Variants in AFDN observed in about 807,000 individuals in gnomAD.
AFDN encodes the protein afadin.
In AFDN, 68 loss-of-function variants were observed where a neutral mutation model predicts 216.6. The observed-to-expected ratio is 0.31, with a 90% confidence interval of 0.26 to 0.38. The LOEUF is 0.38. AFDN is among the 10% of genes least tolerant of loss of function. AFDN has a pLI of 1.00. For synonymous variants in AFDN, 868 were observed against 853.7 expected, an observed-to-expected ratio of 1.02 and a Z score of -0.29; for missense variants, 2,136 against 2,342.0, an observed-to-expected ratio of 0.91 and a Z score of 1.82.
At chr6:167,835,103 A>T (rs555409212) in intron 1 of AFDN, among the ~76,000 whole-genome samples, 7 of 152,358 alleles carry the variant, frequency 4.6e-5, no homozygotes, top group Non-Finnish European at 7.3e-5. Context: ...ATGCAGATCT[A>T]CTAAATGTTG....
chr6:167,942,057 G>A (rs1472966819), intron 23 of AFDN, among the ~76,000 whole-genome samples: 1 of 152,142 alleles, frequency 6.6e-6, no homozygotes, highest in Non-Finnish European at 1.5e-5. Context: ...ACCTGCTACA[G>A]GCGTTTTGTT....
At position 167,971,428 on chromosome 6, in the gene AFDN, T is replaced by C. The variant is rs994274770; in HGVS notation, c.*1493T>C. On this transcript the variant is annotated 3_prime_UTR_variant, in exon 34 of 34. Coordinates refer to ENST00000683244, the MANE Select transcript of AFDN (RefSeq NM_001386888.1). ...AAATCATTAAAAATGCGAGTGTAAA[T>C]ATTTTTTTTTACCTCTATCAGGGTT... is the stretch of plus-strand genomic sequence containing the variant. 2.5e-5 allele frequency: 5 copies of C among 198,158 alleles called. No homozygotes were observed. Among genetic ancestry groups the C allele is most frequent in the Non-Finnish European group, 4.1e-5 (4 of 96,872 alleles). The allele number at this position is 198,158 out of a possible 1,614,324, so 12.3% of individuals were successfully genotyped here.
In AFDN at chr6:167,962,110, G is replaced by A. The variant is rs1376396016; in HGVS notation, c.4834-323G>A. Among the ~76,000 whole-genome samples, 1 of 152,132 alleles carries A rather than the reference G, an allele frequency of 6.6e-6. No homozygotes were observed. The highest frequency in any genetic ancestry group is 1.5e-5 in the Non-Finnish European group (1 of 68,022). Reference sequence around the variant, plus strand: ...TTGAGCCTGTTAATTTACATGAACGGGTTAACTAAATTTGTTCCAGTAAAA... The same window carrying A: ...TTGAGCCTGTTAATTTACATGAACGAGTTAACTAAATTTGTTCCAGTAAAA... On this transcript the variant is annotated intron_variant, in intron 30 of 33. Transcript: ENST00000683244. The surrounding 1 kb of genome is among the most constrained non-coding windows in gnomAD (Gnocchi z 5.2).
intron 1 of AFDN, among the ~76,000 whole-genome samples, chr6:167,836,933 T>C (rs1780507557): frequency 6.6e-6 from 1 of 152,244 alleles, no homozygotes. Flanking sequence ...ACAGTGTTTT[T>C]ACTGAATTTA....
At chr6:167,866,979 C>CT (rs1320988766) in intron 2 of AFDN, among the ~76,000 whole-genome samples, 2 of 152,168 alleles carry the variant, frequency 1.3e-5, no homozygotes. Context: ...TAGTCCAAGT[C>CT]TTTGTGTGAA....
chr6:167,962,537 G>A lies in AFDN; in HGVS notation c.4938G>A (p.Glu1646=), dbSNP rs1358028691. Residue 1646 remains glutamate, a synonymous_variant, in exon 31 of 34, where the codon GAG becomes GAA. Transcript: ENST00000683244. This position sits in a 1 kb window ranked among gnomAD's most constrained non-coding sequence, Gnocchi z 5.2. ...RQEEERRRQE[E]ERTKRDAEEK... ...AGGAAGAGCGCCGGCGGCAGGAGGA[G>A]GAGCGAACAAAACGAGACGCTGAAG... is the stretch of plus-strand genomic sequence containing the variant. The A allele has an allele frequency of 6.2e-7, 1 of 1,614,008 alleles. No individual in the cohort carries two copies. Among genetic ancestry groups the A allele is most frequent in the East Asian group, 2.2e-5 (1 of 44,888 alleles).
chr6:167,881,040 G>A (rs1786040365), intron 6 of AFDN, among the ~76,000 whole-genome samples: 1 of 152,186 alleles, frequency 6.6e-6, no homozygotes, highest in South Asian at 2.1e-4. Context: ...TGCCTCTGTA[G>A]ATCAACTTTG....
chr6:167,833,989 G>A (rs896457832), intron 1 of AFDN, among the ~76,000 whole-genome samples: 8 of 152,086 alleles, frequency 5.3e-5, no homozygotes, highest in African/African-American at 1.9e-4. Flanking sequence ...AGGTTGCAAA[G>A]AACATTTGTT....
intron 13 of AFDN, among the ~76,000 whole-genome samples, chr6:167,907,728 T>C (rs1789879802): frequency 6.6e-6 from 1 of 152,194 alleles, no homozygotes; most frequent in South Asian, 2.1e-4. Context: ...TGCCATATTA[T>C]GTCTTGTGCT....
At chr6:167,930,766 A>G (rs1467329954) in intron 23 of AFDN, among the ~76,000 whole-genome samples, 1 of 152,152 alleles carries the variant, frequency 6.6e-6, no homozygotes, top group Non-Finnish European at 1.5e-5. Flanking sequence ...TTCCAATAAA[A>G]CTTCATAAAG....
At chr6:167,900,760 G>C (rs1216186916) in intron 11 of AFDN, among the ~76,000 whole-genome samples, 3 of 152,220 alleles carry the variant, frequency 2.0e-5, no homozygotes, top group Non-Finnish European at 4.4e-5. Context: ...TGGCAGAGAA[G>C]CTGGCCTGCT....
chr6:167,936,844 G>A (rs371609861), intron 23 of AFDN, among the ~76,000 whole-genome samples: 21 of 152,184 alleles, frequency 1.4e-4, no homozygotes, highest in African/African-American at 3.1e-4. Flanking sequence ...GTGGTGGTTC[G>A]GGTTGAAGGT....
intron 12 of AFDN, among the ~76,000 whole-genome samples, chr6:167,906,094 C>A (rs996621628): frequency 6.6e-6 from 1 of 152,118 alleles, no homozygotes; most frequent in Non-Finnish European, 1.5e-5. Context: ...CAGAGCGAGA[C>A]TCCGTCCCAA....
chr6:167,852,904 T>G (rs1436894942), intron 1 of AFDN, among the ~76,000 whole-genome samples: 1 of 152,144 alleles, frequency 6.6e-6, no homozygotes, highest in African/African-American at 2.4e-5. Context: ...AGGGTTCTTT[T>G]GATATGAGTT....
At chr6:167,835,684 G>C (rs993886273) in intron 1 of AFDN, among the ~76,000 whole-genome samples, 2 of 152,206 alleles carry the variant, frequency 1.3e-5, no homozygotes, top group African/African-American at 4.8e-5. Flanking sequence ...GTGCTAAGGT[G>C]CCATCAGCTA....
chr6:167,874,341 T>G (rs1379244014), intron 4 of AFDN, among the ~76,000 whole-genome samples: 3 of 152,226 alleles, frequency 2.0e-5, no homozygotes, highest in Non-Finnish European at 4.4e-5. Flanking sequence ...TCAACTTGAT[T>G]AAAAGCTTGA....
intron 1 of AFDN, among the ~76,000 whole-genome samples, chr6:167,835,476 G>T (rs1420276246): frequency 6.6e-6 from 1 of 152,188 alleles, no homozygotes; most frequent in African/African-American, 2.4e-5. Flanking sequence ...GCTGTGGTAT[G>T]CAGAAGGGCT....
rs775218634 is a variant in AFDN, at chr6:167,969,813, G to A, written c.5374G>A (p.Ala1792Thr). 1.2e-6 allele frequency: 2 copies of A among 1,612,286 alleles called. No homozygotes were observed. Among genetic ancestry groups the A allele is most frequent in the African/African-American group, 2.7e-5 (2 of 74,860 alleles). ...TGCAGATTCACCTGGAAGTTCTGGG[G>A]CCCCTGAAAACTTGACATTCAAGGA... ...QDADSPGSSG[A>T]PENLTFKERQ... The change falls in exon 34 of 34, where the codon GCC becomes ACC. Residue 1792 changes from alanine (A) to threonine (T), a missense_variant. Ala to Thr is a moderately conservative substitution (Grantham distance 58). Coordinates refer to ENST00000683244, the MANE Select transcript of AFDN (RefSeq NM_001386888.1).
Position 167,827,022 on chromosome 6 carries a change from C to G in AFDN, c.-111C>G, listed in dbSNP as rs1583049474. On this transcript the variant is annotated 5_prime_UTR_variant, in exon 1 of 34. Coordinates refer to ENST00000683244, the MANE Select transcript of AFDN (RefSeq NM_001386888.1). ...GCGGAGGCGGAGGCAGCCGCGGAGG[C>G]GGAGGCGGCCGGCGGGGGGTGGCGA... 1 of 316,222 alleles carries G rather than the reference C, an allele frequency of 3.2e-6. No individual in the cohort carries two copies. The highest frequency in any genetic ancestry group is 4.6e-6 in the Non-Finnish European group (1 of 219,086). The allele number at this position is 316,222 out of a possible 1,614,324, so 19.6% of individuals were successfully genotyped here.
Sources: allele counts gnomAD v4.1 joint callset (sites outside exome capture counted in the v4.1 genomes callset), GRCh38; gene constraint gnomAD v4.1.1; non-coding constraint Gnocchi (gnomAD v3.1); transcripts MANE v1.5; gene names NCBI Gene and HGNC (gene_info 2026-07-23, HGNC 2026-07-21).